The following STK3 variants were observed in gnomAD, a reference collection of about 807,000 sequenced individuals.
The protein encoded by STK3 is serine/threonine kinase 3, also known as serine/threonine-protein kinase 3.
STK3 carries 41 observed loss-of-function variants against 58.0 expected under a neutral mutation model. The ratio of observed to expected loss-of-function variants is 0.71; its 90% CI spans 0.55 to 0.92. STK3 has a LOEUF of 0.92. Ranked by LOEUF, STK3 falls within the 40% of genes least tolerant of loss-of-function variation. STK3 has a pLI of 0.00. For missense variants in STK3, 479 were observed against 602.7 expected, an observed-to-expected ratio of 0.79 and a Z score of 2.15; for synonymous variants, 170 against 191.0, an observed-to-expected ratio of 0.89 and a Z score of 0.91.
intron 4 of STK3, among the ~76,000 whole-genome samples, chr8:98,738,516 T>C (rs1250018287): frequency 1.3e-5 from 2 of 151,890 alleles, no homozygotes; most frequent in African/African-American, 4.8e-5. Context: ...ATAAAACTTA[T>C]AAGAGAGATC....
intron 3 of STK3, among the ~76,000 whole-genome samples, chr8:98,395,665 G>T (rs2131018790): frequency 6.6e-6 from 1 of 152,260 alleles, no homozygotes; most frequent in East Asian, 1.9e-4. Context: ...TTTTGTTGTT[G>T]TTGGATTTGT....
intron 4 of STK3, among the ~76,000 whole-genome samples, chr8:98,747,848 T>C (rs576075503): frequency 2.6e-5 from 4 of 152,290 alleles, no homozygotes; most frequent in East Asian, 1.9e-4. Context: ...GTAACAACTA[T>C]GTTATTCCAA....
chr8:98,927,304 C>T (rs933971813), intron 1 of STK3, among the ~76,000 whole-genome samples: 120 of 152,318 alleles, frequency 7.9e-4, no homozygotes, highest in African/African-American at 2.8e-3. Flanking sequence ...ACAGTCCTTC[C>T]TTTGGGAATA....
chr8:98,603,856 G>C (rs563170499), intron 6 of STK3, among the ~76,000 whole-genome samples: 1 of 152,054 alleles, frequency 6.6e-6, no homozygotes, highest in African/African-American at 2.4e-5. Context: ...CCCCCACCCC[G>C]CAAGATGTCT....
Position 98,524,366 on chromosome 8 carries a change from G to A in STK3, c.1317+2376C>T, listed in dbSNP as rs536498284. Among the ~76,000 whole-genome samples the A allele has an allele frequency of 2.0e-5, 3 of 152,298 alleles. No homozygotes were observed. In the South Asian group the frequency reaches 6.2e-4, roughly 32 times the overall value. ...TGAGAATCCATATGAATTTTAGGAT[G>A]AGTTTTTTTCTAGTTTTGTAAAAAA... is the stretch of plus-strand genomic sequence containing the variant. On this transcript the variant is annotated intron_variant, in intron 10 of 10. Transcript: ENST00000419617.
intron 4 of STK3, among the ~76,000 whole-genome samples, chr8:98,720,496 A>C (rs1381204488): frequency 6.6e-6 from 1 of 152,216 alleles, no homozygotes; most frequent in East Asian, 1.9e-4. Context: ...CACGCCTGTA[A>C]TCCCAGCACT....
At chr8:98,822,878 ATG>A in intron 1 of STK3, among the ~76,000 whole-genome samples, 1 of 152,172 alleles carries the variant, frequency 6.6e-6, no homozygotes, top group Non-Finnish European at 1.5e-5. Context: ...AAACACAAAA[ATG>A]AGCTGGGCGT....
At chr8:98,651,073 C>T (rs981641785) in intron 6 of STK3, among the ~76,000 whole-genome samples, 10 of 152,244 alleles carry the variant, frequency 6.6e-5, no homozygotes, top group African/African-American at 2.4e-4. Context: ...CCTGGAGCCG[C>T]CTAACTGGGA....
At chr8:98,585,403 T>G (rs1814442444) in intron 7 of STK3, among the ~76,000 whole-genome samples, 1 of 151,984 alleles carries the variant, frequency 6.6e-6, no homozygotes, top group Admixed American at 6.6e-5. Flanking sequence ...ATCAGATAGT[T>G]GTAGATATGC....
At chr8:98,811,545 G>GA (rs34121224) in intron 1 of STK3, among the ~76,000 whole-genome samples, 216 of 128,614 alleles carry the variant, frequency 1.7e-3, no homozygotes, top group African/African-American at 5.2e-3. Flanking sequence ...AAAGAAAAAA[G>GA]AAAAAAAAAA....
Position 98,859,509 on chromosome 8 carries a change from G to A in STK3, c.110+24138C>T, listed in dbSNP as rs1456622119. Reference sequence around the variant, plus strand: ...GCACAGGAATCTAGGCGTCACTGAGGCTGCTTTTTAAAGATACCCCAATGA... The same window carrying A: ...GCACAGGAATCTAGGCGTCACTGAGACTGCTTTTTAAAGATACCCCAATGA... On this transcript the variant is annotated intron_variant, in intron 3 of 12. Transcript: ENST00000523601. Among the ~76,000 whole-genome samples, 7 of 152,228 alleles carry A rather than the reference G, an allele frequency of 4.6e-5. No homozygotes were observed. The East Asian group carries it at 1.3e-3, about 29-fold the overall frequency.
intron 3 of STK3, among the ~76,000 whole-genome samples, chr8:98,840,369 A>G (rs1207696776): frequency 3.4e-5 from 5 of 147,954 alleles, no homozygotes; most frequent in Non-Finnish European, 7.5e-5. Context: ...AAAAAAAAAA[A>G]AAGACCAGCC....
intron 3 of STK3, chr8:98,429,498 T>C: frequency 1.0e-6 from 1 of 968,528 alleles, no homozygotes; most frequent in Non-Finnish European, 1.6e-6. Flanking sequence ...ATGGTTATGG[T>C]GTAAGGAGTA....
At chr8:98,769,159 G>A (rs1831133509) in intron 2 of STK3, among the ~76,000 whole-genome samples, 1 of 152,224 alleles carries the variant, frequency 6.6e-6, no homozygotes, top group African/African-American at 2.4e-5. Context: ...TAGCAATATA[G>A]TTTTTGGTAG....
At chr8:98,623,270 T>C (rs1173589678) in intron 6 of STK3, among the ~76,000 whole-genome samples, 1 of 151,860 alleles carries the variant, frequency 6.6e-6, no homozygotes, top group Non-Finnish European at 1.5e-5. Flanking sequence ...AGGAAAAGTA[T>C]AGATATTGAC....
intron 6 of STK3, among the ~76,000 whole-genome samples, chr8:98,623,000 TAGA>T (rs1020824605): frequency 3.3e-5 from 5 of 152,162 alleles, no homozygotes; most frequent in African/African-American, 1.2e-4. Context: ...AAAACCCATG[TAGA>T]AGAAACTGAA....
intron 1 of STK3, among the ~76,000 whole-genome samples, chr8:98,889,492 A>G (rs1354846368): frequency 2.6e-5 from 4 of 152,238 alleles, no homozygotes; most frequent in Non-Finnish European, 5.9e-5. Flanking sequence ...ATTGTCCCCC[A>G]CCAGAAAAGC....
chr8:98,557,736 G>A (rs1476499969), intron 8 of STK3, among the ~76,000 whole-genome samples: 3 of 151,998 alleles, frequency 2.0e-5, no homozygotes, highest in South Asian at 2.1e-4. Flanking sequence ...CTTTCACTAC[G>A]AAATCAGCTT....
chr8:98,435,148 T>C (rs979549945), intron 2 of STK3, among the ~76,000 whole-genome samples: 6 of 152,142 alleles, frequency 3.9e-5, no homozygotes, highest in Non-Finnish European at 7.3e-5. Flanking sequence ...GAAAGAGGAA[T>C]AACTATTTCC....
Sources: allele counts gnomAD v4.1 joint callset (sites outside exome capture counted in the v4.1 genomes callset), GRCh38; gene constraint gnomAD v4.1.1; transcripts MANE v1.5; gene names NCBI Gene and HGNC (gene_info 2026-07-23, HGNC 2026-07-21).